Variants in CFAP46 observed in about 807,000 individuals in gnomAD.
CFAP46 encodes cilia- and flagella-associated protein 46.
CFAP46 carries 245 observed loss-of-function variants against 325.7 expected under a neutral mutation model. The ratio of observed to expected loss-of-function variants is 0.75; its 90% CI spans 0.68 to 0.84. The LOEUF (loss-of-function observed/expected upper bound fraction) is 0.84, where lower values mean the gene tolerates loss of function less well. Among genes scored for constraint, CFAP46 ranks in the 40% least tolerant of loss-of-function variants. The pLI is 0.00. For synonymous variants in CFAP46, 1,523 were observed against 1,495.9 expected (o/e 1.02, Z -0.42); for missense variants, 3,346 against 3,543.0 (o/e 0.94, Z 1.41).
chr10:132,920,598 G>A (rs934556105), intron 13 of CFAP46, among the ~76,000 whole-genome samples: 44 of 152,332 alleles, frequency 2.9e-4, no homozygotes, highest in African/African-American at 9.1e-4. Flanking sequence ...CCGAATCACC[G>A]CTCCTTTTCC....
chr10:132,921,043 C>T (rs1356274886), intron 13 of CFAP46, among the ~76,000 whole-genome samples: 6 of 152,260 alleles, frequency 3.9e-5, no homozygotes, highest in African/African-American at 1.4e-4. Flanking sequence ...GCAGCCCCTT[C>T]CCGCTCCAAG....
intron 41 of CFAP46, among the ~76,000 whole-genome samples, chr10:132,848,789 C>G (rs1041323244): frequency 2.0e-5 from 3 of 152,214 alleles, no homozygotes; most frequent in African/African-American, 7.2e-5. Context: ...TAAACTTTCG[C>G]TGCAACTTCT....
chr10:132,930,422 T>C (rs1312606296), intron 8 of CFAP46, among the ~76,000 whole-genome samples: 4 of 97,532 alleles, frequency 4.1e-5, no homozygotes, highest in Non-Finnish European at 6.0e-5. Flanking sequence ...GAGCCTTCCT[T>C]CTTCCCACAC....
Position 132,808,683 on chromosome 10 carries a change from C to G in CFAP46, c.7886G>C (p.Ser2629Thr), listed in dbSNP as rs1847513962. The G allele has an allele frequency of 1.9e-6, 3 of 1,576,060 alleles. No individual in the cohort carries two copies. Among genetic ancestry groups the G allele is most frequent in the Middle Eastern group, 1.7e-4 (1 of 5,828 alleles). Reference sequence around the variant, plus strand: ...CAGGAAGGGGAGAGCGAGCTGGGAGCTGGGGATGGGAGCCGGGAGGTGGGG... The same window carrying G: ...CAGGAAGGGGAGAGCGAGCTGGGAGGTGGGGATGGGAGCCGGGAGGTGGGG... The part of the protein sequence containing the change: ...THPHLPAPIP[S>T]SQLALPFLGL... The change falls in exon 58 of 58, where the codon AGC becomes ACC. Residue 2629 changes from serine to threonine, a missense_variant. Ser to Thr is a moderately conservative substitution (Grantham distance 58, BLOSUM62 1). Transcript: ENST00000368586. The surrounding 1 kb of genome is among the most constrained non-coding windows in gnomAD (Gnocchi z 6.8).
intron 50 of CFAP46, among the ~76,000 whole-genome samples, chr10:132,821,070 T>A (rs1847801924): frequency 7.2e-6 from 1 of 138,620 alleles, no homozygotes; most frequent in Non-Finnish European, 1.5e-5. Context: ...CTGTGAGTGC[T>A]GATGTGTGCT....
intron 35 of CFAP46, among the ~76,000 whole-genome samples, chr10:132,865,345 C>G (rs1418623924): frequency 2.0e-5 from 3 of 152,186 alleles, no homozygotes; most frequent in South Asian, 4.1e-4. Flanking sequence ...GAGGCTGCAG[C>G]TGGGGCTTCC....
At chr10:132,819,653 G>A (rs931857695) in intron 50 of CFAP46, among the ~76,000 whole-genome samples, 20 of 152,206 alleles carry the variant, frequency 1.3e-4, no homozygotes, top group South Asian at 2.1e-4. Flanking sequence ...TGACGGTCTC[G>A]TCAATAAACA....
chr10:132,941,918 C>A, intron 2 of CFAP46, 62 bp downstream of exon 2: 1 of 1,542,494 alleles, frequency 6.5e-7, no homozygotes, highest in Non-Finnish European at 8.8e-7. Context: ...CCGCTGCACA[C>A]CCAGAGGCCC....
intron 22 of CFAP46, among the ~76,000 whole-genome samples, chr10:132,905,900 C>T (rs1029627421): frequency 6.6e-6 from 1 of 152,226 alleles, no homozygotes; most frequent in African/African-American, 2.4e-5. Context: ...CCCAGCCCCA[C>T]CTGCAAGGAA....
At chr10:132,874,700 T>C (rs1215854294) in intron 31 of CFAP46, among the ~76,000 whole-genome samples, 3 of 100,210 alleles carry the variant, frequency 3.0e-5, no homozygotes, top group Non-Finnish European at 6.0e-5. Context: ...AAACATCATC[T>C]GCATAGATGG....
intron 31 of CFAP46, 52 bp from the exon 32 acceptor site, chr10:132,872,876 C>T: frequency 6.5e-7 from 1 of 1,544,626 alleles, no homozygotes; most frequent in South Asian, 1.2e-5. Flanking sequence ...GTGTAGACCA[C>T]AAGCATAAGG....
chr10:132,820,537 A>G (rs9663554), intron 50 of CFAP46, among the ~76,000 whole-genome samples: 270 of 101,680 alleles, frequency 2.7e-3, no homozygotes, highest in South Asian at 7.0e-3. Context: ...CTGTGTGTGC[A>G]CTGATGTGTG....
At chr10:132,882,117 T>C (rs1273903341) in intron 27 of CFAP46, among the ~76,000 whole-genome samples, 4 of 139,386 alleles carry the variant, frequency 2.9e-5, no homozygotes, top group African/African-American at 5.6e-5. Context: ...GTGTGGTCTG[T>C]ATGGGATGTG....
intron 50 of CFAP46, among the ~76,000 whole-genome samples, chr10:132,820,136 G>A (rs1352394443): frequency 6.6e-6 from 1 of 152,260 alleles, no homozygotes; most frequent in Non-Finnish European, 1.5e-5. Flanking sequence ...TGATGAAAAG[G>A]TGACATCTAA....
At chr10:132,815,472 G>A (rs113228464) in intron 50 of CFAP46, among the ~76,000 whole-genome samples, 3,400 of 152,334 alleles carry the variant, frequency 0.022, 134 homozygotes, top group African/African-American at 0.076. Context: ...CATTAAGAAG[G>A]AGGCTGTCTC....
At chr10:132,908,271 G>A (rs117589350) in intron 22 of CFAP46, 197 bp downstream of exon 22, 27,095 of 627,924 alleles carry the variant, frequency 0.043, 777 homozygotes, top group Non-Finnish European at 0.055. Context: ...GCCCAGGCCC[G>A]CGCTCCCTGC....
intron 22 of CFAP46, among the ~76,000 whole-genome samples, chr10:132,900,188 C>A (rs563604830): frequency 5.9e-5 from 9 of 152,350 alleles, no homozygotes; most frequent in African/African-American, 2.2e-4. Context: ...TCCACAGAAC[C>A]AGCCCCTCTT....
chr10:132,867,367 G>A lies in CFAP46; in HGVS notation c.4743+8C>T, dbSNP rs2135283280. ...GCGGGTCAGAGGGATTCTGGACGGT[G>A]AGGTTACCTTGTCCTTGGCGTCCAG... On this transcript the variant is annotated splice_region_variant and intron_variant, in intron 34 of 57. Coordinates refer to ENST00000368586, the MANE Select transcript of CFAP46 (RefSeq NM_001200049.3). 6.5e-7 allele frequency: 1 copy of A among 1,547,634 alleles called. No homozygotes were observed. Among genetic ancestry groups the A allele is most frequent in the African/African-American group, 1.4e-5 (1 of 72,964 alleles).
intron 21 of CFAP46, 90 bp downstream of exon 21, chr10:132,909,047 A>C (rs1849501377): frequency 2.2e-6 from 2 of 914,374 alleles, no homozygotes; most frequent in African/African-American, 1.6e-5. Context: ...AGCATGCACG[A>C]TGGGGCTCGA....
Sources: gnomAD v4.1 joint callset for allele counts (sites outside exome capture counted in the v4.1 genomes callset) on GRCh38, gnomAD v4.1.1 for gene constraint, Gnocchi (gnomAD v3.1) non-coding constraint, MANE v1.5 for transcripts, NCBI Gene and HGNC (gene_info 2026-07-23, HGNC 2026-07-21) for gene names.